Variants in NUAK1 observed in about 807,000 individuals in gnomAD.
The protein encoded by NUAK1 is NUAK family SNF1-like kinase 1.
NUAK1 carries 26 observed loss-of-function variants against 56.9 expected under a neutral mutation model. The observed-to-expected ratio is 0.46, with a 90% CI of 0.33 to 0.63. The LOEUF (loss-of-function observed/expected upper bound fraction) is 0.63. Ranked by LOEUF, NUAK1 falls within the 30% of genes least tolerant of loss-of-function variation. The pLI is 0.02. For missense variants in NUAK1, 727 were observed against 876.1 expected, an observed-to-expected ratio of 0.83 and a Z score of 2.15; for synonymous variants, 337 against 336.0, an observed-to-expected ratio of 1.00 and a Z score of -0.03.
Position 106,066,907 on chromosome 12 carries a change from C to T in NUAK1, c.1881G>A (p.Arg627=). 2 of 1,614,250 alleles carry T rather than the reference C, an allele frequency of 1.2e-6. No individual in the cohort carries two copies. Among genetic ancestry groups the T allele is most frequent in the Non-Finnish European group, 1.7e-6 (2 of 1,180,048 alleles). ...TGCTGTCTGCCAGCCGGTTCCGGTA[C>T]CGCTTCAGGTACTGGGGCCGGGGCC... The part of the protein sequence containing the change: ...QNRPRPQYLK[R]YRNRLADSSF... The change falls in exon 7 of 7, where the codon CGG becomes CGA. Residue 627 remains arginine (R), a synonymous_variant. Coordinates refer to ENST00000261402, the MANE Select transcript of NUAK1 (RefSeq NM_014840.3).
intron 1 of NUAK1, among the ~76,000 whole-genome samples, chr12:106,123,841 CT>C (rs1186210015): frequency 6.6e-6 from 1 of 152,172 alleles, no homozygotes; most frequent in African/African-American, 2.4e-5. Flanking sequence ...TCATTTTGTC[CT>C]TGGCTACAAC....
At chr12:106,074,754 C>G (rs553000892) in intron 4 of NUAK1, among the ~76,000 whole-genome samples, 11 of 152,198 alleles carry the variant, frequency 7.2e-5, no homozygotes, top group Admixed American at 3.9e-4. Context: ...CCCCTAGAAG[C>G]AGCCTATTTT....
At chr12:106,090,953 G>C (rs551499087) in intron 2 of NUAK1, among the ~76,000 whole-genome samples, 5 of 152,322 alleles carry the variant, frequency 3.3e-5, no homozygotes, top group Admixed American at 2.6e-4. Flanking sequence ...TAATGTATAA[G>C]AGCAAGGCCT....
intron 4 of NUAK1, among the ~76,000 whole-genome samples, chr12:106,082,085 AT>A (rs142944417): frequency 2.7e-3 from 417 of 152,314 alleles, no homozygotes; most frequent in Non-Finnish European, 4.5e-3. Context: ...TTAAGCATGA[AT>A]TGCTTTGATT....
chr12:106,109,368 G>C (rs1476408667), intron 1 of NUAK1, among the ~76,000 whole-genome samples: 4 of 152,030 alleles, frequency 2.6e-5, no homozygotes, highest in African/African-American at 9.7e-5. Flanking sequence ...CCCTCTCAGG[G>C]AGATCCTTCC....
At chr12:106,113,321 G>A (rs1213219614) in intron 1 of NUAK1, among the ~76,000 whole-genome samples, 4 of 152,154 alleles carry the variant, frequency 2.6e-5, no homozygotes, top group African/African-American at 4.8e-5. Flanking sequence ...CGGAAAGTTC[G>A]TGCTGAGTGG....
At chr12:106,109,620 T>C (rs1465880201) in intron 1 of NUAK1, among the ~76,000 whole-genome samples, 1 of 151,422 alleles carries the variant, frequency 6.6e-6, no homozygotes, top group Non-Finnish European at 1.5e-5. Context: ...CTTCAGGAAG[T>C]TGAAGGATAC....
At chr12:106,119,226 T>C (rs1290285866) in intron 1 of NUAK1, among the ~76,000 whole-genome samples, 1 of 152,214 alleles carries the variant, frequency 6.6e-6, no homozygotes, top group African/African-American at 2.4e-5. Flanking sequence ...TCTTAACCTG[T>C]AGTGTAAAAC....
At chr12:106,122,964 C>T (rs569831602) in intron 1 of NUAK1, among the ~76,000 whole-genome samples, 19 of 152,332 alleles carry the variant, frequency 1.2e-4, no homozygotes, top group African/African-American at 4.3e-4. Flanking sequence ...CCTCGCATAA[C>T]GCCCAACCTG....
At chr12:106,094,130 A>G (rs1284500268) in intron 2 of NUAK1, among the ~76,000 whole-genome samples, 1 of 152,130 alleles carries the variant, frequency 6.6e-6, no homozygotes, top group African/African-American at 2.4e-5. Flanking sequence ...TTAAAAAAAA[A>G]AAGGCCTAGG....
At chr12:106,095,351 C>T (rs1592853985) in intron 2 of NUAK1, among the ~76,000 whole-genome samples, 1 of 152,152 alleles carries the variant, frequency 6.6e-6, no homozygotes, top group Non-Finnish European at 1.5e-5. Context: ...GTGAAGACAG[C>T]CTTAGTCTTC....
At chr12:106,109,243 A>T (rs2032834658) in intron 1 of NUAK1, among the ~76,000 whole-genome samples, 1 of 152,176 alleles carries the variant, frequency 6.6e-6, no homozygotes, top group Non-Finnish European at 1.5e-5. Context: ...TACTACTACT[A>T]ATAGTAATGG....
intron 2 of NUAK1, among the ~76,000 whole-genome samples, chr12:106,105,481 T>C (rs2032791395): frequency 1.3e-5 from 2 of 152,158 alleles, no homozygotes; most frequent in Admixed American, 1.3e-4. Context: ...ATAAACAGAA[T>C]GCTATAAAAC....
Position 106,138,305 on chromosome 12 carries a change from C to A in NUAK1, c.240+109G>T. ...GTCTCGGGGCTTCCCAATGAGCCCC[C>A]TCTCTGTCAAGAGAGCCCCAGGGCG... On this transcript the variant is annotated intron_variant, in intron 1 of 6. Coordinates refer to ENST00000261402, the MANE Select transcript of NUAK1 (RefSeq NM_014840.3). This position sits in a 1 kb window ranked among gnomAD's most constrained non-coding sequence, Gnocchi z 5.0. The A allele has an allele frequency of 1.4e-6, 2 of 1,412,682 alleles. No homozygotes were observed. Among genetic ancestry groups the A allele is most frequent in the East Asian group, 2.5e-5 (1 of 40,324 alleles). The allele number at this position is 1,412,682 out of a possible 1,614,324, so 87.5% of individuals were successfully genotyped here. A position where few individuals can be genotyped will look rare whatever the true frequency, so the allele number is the denominator to read the frequency against.
At chr12:106,117,925 T>C (rs951292491) in intron 1 of NUAK1, among the ~76,000 whole-genome samples, 2 of 152,240 alleles carry the variant, frequency 1.3e-5, no homozygotes, top group Non-Finnish European at 2.9e-5. Context: ...TCTGGCTCTA[T>C]AGTAGTAGAC....
intron 1 of NUAK1, among the ~76,000 whole-genome samples, chr12:106,124,328 A>G (rs1482429408): frequency 2.0e-5 from 3 of 152,086 alleles, no homozygotes; most frequent in Non-Finnish European, 4.4e-5. Flanking sequence ...TTTGCTCCTT[A>G]ATTTTTTCTT....
At chr12:106,137,888 T>C (rs2033144530) in intron 1 of NUAK1, among the ~76,000 whole-genome samples, 1 of 152,206 alleles carries the variant, frequency 6.6e-6, no homozygotes, top group East Asian at 1.9e-4. Flanking sequence ...TCGCCCTCCC[T>C]TGCAGTCACA....
chr12:106,101,433 G>A (rs908575501), intron 2 of NUAK1, among the ~76,000 whole-genome samples: 1 of 152,130 alleles, frequency 6.6e-6, no homozygotes, highest in African/African-American at 2.4e-5. Context: ...TCTTTACGGA[G>A]ATAAGTTAAA....
intron 1 of NUAK1, among the ~76,000 whole-genome samples, chr12:106,115,578 T>C (rs1245366313): frequency 6.6e-6 from 1 of 152,218 alleles, no homozygotes; most frequent in Non-Finnish European, 1.5e-5. Flanking sequence ...TGTCCATTAT[T>C]CCTAGAGTTA....
Sources: gnomAD v4.1 joint callset for allele counts (sites outside exome capture counted in the v4.1 genomes callset) on GRCh38, gnomAD v4.1.1 for gene constraint, Gnocchi (gnomAD v3.1) non-coding constraint, MANE v1.5 for transcripts, NCBI Gene and HGNC (gene_info 2026-07-23, HGNC 2026-07-21) for gene names.